The following DCT variants were observed in gnomAD, a reference collection of about 807,000 sequenced individuals.
The protein encoded by DCT is dopachrome tautomerase, also known as L-dopachrome tautomerase.
In DCT, 47 loss-of-function variants were observed where a neutral mutation model predicts 53.0. The ratio of observed to expected loss-of-function variants is 0.89; its 90% confidence interval spans 0.70 to 1.13. The LOEUF is 1.13. Ranked by LOEUF, DCT falls within the 50% of genes most tolerant of loss-of-function variation. DCT has a pLI of 0.00. For missense variants in DCT, 669 were observed against 637.4 expected (o/e 1.05, Z -0.53); for synonymous variants, 244 against 237.0 (o/e 1.03, Z -0.27).
the DCT span, among the ~76,000 whole-genome samples, chr13:94,547,292 T>G: frequency 6.6e-6 from 1 of 151,914 alleles, no homozygotes. Context: ...CATTTTTGTA[T>G]TTTTAGTAGA....
the DCT span, among the ~76,000 whole-genome samples, chr13:94,527,828 A>G: frequency 6.6e-6 from 1 of 152,202 alleles, no homozygotes; most frequent in Non-Finnish European, 1.5e-5. Flanking sequence ...GGTCGGTAAT[A>G]ACAAACTTCT....
intron 4 of DCT, among the ~76,000 whole-genome samples, chr13:94,464,588 C>T (rs930404530): frequency 7.3e-5 from 11 of 151,686 alleles, no homozygotes; most frequent in East Asian, 1.9e-4. Context: ...TGCAGTGAGC[C>T]GAGATCACGT....
the DCT span, among the ~76,000 whole-genome samples, chr13:94,533,165 C>T: frequency 4.7e-5 from 7 of 148,958 alleles, 1 homozygote; most frequent in South Asian, 1.1e-3. Flanking sequence ...CTGGATCATA[C>T]AGGGAGAACA....
At chr13:94,499,963 TAATC>T in the DCT span, among the ~76,000 whole-genome samples, 49 of 152,230 alleles carry the variant, frequency 3.2e-4, no homozygotes, top group Non-Finnish European at 5.9e-4. Context: ...TGTGAAATGA[TAATC>T]AAGCTAATTA....
Position 94,439,965 on chromosome 13 carries a change from AG to A in DCT, c.1492del (p.Leu498PhefsTer8), listed in dbSNP as rs762810189. The stretch of plus-strand genomic sequence containing the variant: ...CATTAGGGGTGTATATCCTTTTCGA[AG>A]TCTTCTATATTGAAGAAAAGCCAAC... Reference protein sequence around the residue: ...VLLAFLQYRRLRKGYTPLMET... With the variant: ...VLLAFLQYRRXRKGYTPLMET... On this transcript the variant is annotated frameshift_variant, in exon 8 of 8. Transcript: ENST00000377028. LOFTEE classifies it high-confidence loss of function. 4 of 1,613,848 alleles carry A rather than the reference AG, an allele frequency of 2.5e-6. No homozygotes were observed. In the South Asian group the frequency reaches 4.4e-5, roughly 18 times the overall value.
the DCT span, among the ~76,000 whole-genome samples, chr13:94,518,157 TGAAG>T: frequency 7.7e-4 from 82 of 106,452 alleles, 1 homozygote; most frequent in African/African-American, 4.1e-4. Flanking sequence ...AAGGAAGGAA[TGAAG>T]GAAGGAAGGA....
At chr13:94,466,355 T>C (rs1270778178) in intron 3 of DCT, among the ~76,000 whole-genome samples, 3 of 151,720 alleles carry the variant, frequency 2.0e-5, no homozygotes, top group African/African-American at 7.3e-5. Context: ...GCCAAGAGAG[T>C]AGACCTTAGG....
rs575736160 is a variant in DCT, at chr13:94,448,841, C to T, written c.1180-5204G>A. On this transcript the variant is annotated intron_variant, in intron 6 of 7. Coordinates refer to ENST00000377028, the MANE Select transcript of DCT (RefSeq NM_001922.5). Reference sequence around the variant, plus strand: ...GTCACTTGAACTCGGGAGGTGGAGGCTGCAATGAGCCAAGAACGCACCACT... The same window carrying T: ...GTCACTTGAACTCGGGAGGTGGAGGTTGCAATGAGCCAAGAACGCACCACT... Among the ~76,000 whole-genome samples, 43 of 151,846 alleles carry T rather than the reference C, an allele frequency of 2.8e-4. 1 individual carries two copies. The Middle Eastern group carries it at 0.02, about 72-fold the overall frequency.
chr13:94,482,088 C>T (rs544276092), upstream of DCT, among the ~76,000 whole-genome samples: 21 of 152,288 alleles, frequency 1.4e-4, no homozygotes, highest in Non-Finnish European at 2.2e-4. Flanking sequence ...TTCAGGCATA[C>T]GATCAGTAGT....
the DCT span, among the ~76,000 whole-genome samples, chr13:94,516,733 A>G: frequency 6.6e-6 from 1 of 152,278 alleles, no homozygotes; most frequent in East Asian, 1.9e-4. Context: ...CCCCCTCACC[A>G]TGTGATGCCC....
the DCT span, among the ~76,000 whole-genome samples, chr13:94,497,946 T>C: frequency 6.6e-6 from 1 of 152,216 alleles, no homozygotes; most frequent in African/African-American, 2.4e-5. Flanking sequence ...CTGGAGTACC[T>C]TAATATGTCT....
At chr13:94,475,556 T>TA (rs1324477283) in intron 1 of DCT, among the ~76,000 whole-genome samples, 1 of 152,184 alleles carries the variant, frequency 6.6e-6, no homozygotes, top group African/African-American at 2.4e-5. Context: ...TGTAAAGTTA[T>TA]AATGATACAA....
chr13:94,522,816 A>G, the DCT span, among the ~76,000 whole-genome samples: 403 of 152,310 alleles, frequency 2.6e-3, no homozygotes, highest in African/African-American at 9.5e-3. Context: ...AGCAAAGGTT[A>G]TATAGCCATA....
At chr13:94,497,502 A>T in the DCT span, among the ~76,000 whole-genome samples, 2 of 152,256 alleles carry the variant, frequency 1.3e-5, no homozygotes, top group Non-Finnish European at 2.9e-5. Context: ...TGACTGGAAG[A>T]TGTACCAATA....
chr13:94,490,504 CAAA>C, the DCT span, among the ~76,000 whole-genome samples: 342 of 35,472 alleles, frequency 9.6e-3, 2 homozygotes, highest in African/African-American at 0.035. Flanking sequence ...GACTCGGTCT[CAAA>C]AAAAAAAAAA....
the DCT span, among the ~76,000 whole-genome samples, chr13:94,513,746 G>A: frequency 6.6e-6 from 1 of 152,010 alleles, no homozygotes; most frequent in Admixed American, 6.6e-5. Flanking sequence ...CAGCACTTTG[G>A]GAGGCCAAGG....
At chr13:94,523,384 G>A in the DCT span, among the ~76,000 whole-genome samples, 473 of 152,300 alleles carry the variant, frequency 3.1e-3, 2 homozygotes, top group African/African-American at 0.011. Flanking sequence ...CCTGGGGGGT[G>A]GACTTCAATT....
rs1161539812 is a variant in DCT, at chr13:94,465,613, G to A, written c.863+20C>T. 6.2e-7 allele frequency: 1 copy of A among 1,608,422 alleles called. No individual in the cohort carries two copies. The highest frequency in any genetic ancestry group is 8.5e-7 in the Non-Finnish European group (1 of 1,176,664). On this transcript the variant is annotated intron_variant, in intron 4 of 7. Coordinates refer to ENST00000377028, the MANE Select transcript of DCT (RefSeq NM_001922.5). The stretch of plus-strand genomic sequence containing the variant: ...GAAAAGACAATCTCTGGATGCCATT[G>A]CAGGTACAGGAGCCATTACCTATCA...
At chr13:94,494,720 A>G in the DCT span, among the ~76,000 whole-genome samples, 8 of 152,216 alleles carry the variant, frequency 5.3e-5, no homozygotes, top group African/African-American at 1.9e-4. Flanking sequence ...AAAGTAATTA[A>G]TCACTACTCC....
Sources: allele counts gnomAD v4.1 joint callset (sites outside exome capture counted in the v4.1 genomes callset), GRCh38; gene constraint gnomAD v4.1.1; transcripts MANE v1.5; gene names NCBI Gene and HGNC (gene_info 2026-07-23, HGNC 2026-07-21).